GHR: variants seen among roughly 807,000 people sequenced by gnomAD.
GHR encodes GH receptor.
GHR carries 35 observed loss-of-function variants against 67.1 expected under a neutral mutation model. The observed-to-expected ratio is 0.52, with a 90% CI of 0.40 to 0.69. The LOEUF is 0.69. GHR is among the 30% of genes least tolerant of loss of function. The pLI, the probability that GHR is intolerant of heterozygous loss-of-function variation, is 0.00. For missense variants in GHR, 792 were observed against 764.6 expected, an observed-to-expected ratio of 1.04 and a Z score of -0.42; for synonymous variants, 272 against 269.1, an observed-to-expected ratio of 1.01 and a Z score of -0.10.
At chr5:42,570,401 T>G (rs1554020754) in intron 2 of GHR, among the ~76,000 whole-genome samples, 1 of 152,350 alleles carries the variant, frequency 6.6e-6, no homozygotes, top group African/African-American at 2.4e-5. Context: ...GTTCAGCAGG[T>G]CACAGCAAGC....
intron 3 of GHR, among the ~76,000 whole-genome samples, chr5:42,668,873 T>A (rs1756130680): frequency 6.6e-6 from 1 of 152,188 alleles, no homozygotes; most frequent in South Asian, 2.1e-4. Flanking sequence ...AAAATGCATT[T>A]AATACCCTGA....
chr5:42,472,427 G>A (rs1440495054), intron 1 of GHR, among the ~76,000 whole-genome samples: 1 of 152,214 alleles, frequency 6.6e-6, no homozygotes, highest in Non-Finnish European at 1.5e-5. Context: ...CCACATCTCA[G>A]TTAATGGCTT....
intron 3 of GHR, among the ~76,000 whole-genome samples, chr5:42,640,719 G>A (rs1215708883): frequency 6.6e-6 from 1 of 151,938 alleles, no homozygotes; most frequent in Non-Finnish European, 1.5e-5. Context: ...TAAATATTCA[G>A]TGTTTCATAT....
chr5:42,715,933 T>C (rs1758698248), intron 8 of GHR, among the ~76,000 whole-genome samples: 1 of 152,206 alleles, frequency 6.6e-6, no homozygotes, highest in South Asian at 2.1e-4. Flanking sequence ...TTTATTCCTC[T>C]GCATGACCTG....
chr5:42,622,424 C>G (rs1255169489), intron 2 of GHR, among the ~76,000 whole-genome samples: 1 of 152,122 alleles, frequency 6.6e-6, no homozygotes, highest in Non-Finnish European at 1.5e-5. Context: ...TGAAAAGTTT[C>G]CTAAATATAT....
intron 6 of GHR, among the ~76,000 whole-genome samples, chr5:42,706,597 C>T (rs546800325): frequency 8.5e-5 from 13 of 152,172 alleles, no homozygotes; most frequent in African/African-American, 3.1e-4. Flanking sequence ...CAGTTTCAAT[C>T]TTCTGCATAT....
At position 42,434,476 on chromosome 5, in the gene GHR, A is replaced by G. The variant is rs913142351; in HGVS notation, c.-12+10521A>G. The stretch of plus-strand genomic sequence containing the variant: ...ATCCCTATTGAAATACTTGAGTCTC[A>G]TATCCTCACTTTATTTATAGGTGAG... On this transcript the variant is annotated intron_variant, in intron 1 of 9. Coordinates refer to ENST00000230882, the MANE Select transcript of GHR (RefSeq NM_000163.5). Among the ~76,000 whole-genome samples the G allele has an allele frequency of 2.7e-5, 4 of 146,506 alleles. No individual in the cohort carries two copies. In the East Asian group the frequency reaches 5.8e-4, roughly 21 times the overall value.
chr5:42,653,438 G>A (rs1010900072), intron 3 of GHR, among the ~76,000 whole-genome samples: 5 of 151,906 alleles, frequency 3.3e-5, no homozygotes, highest in African/African-American at 9.7e-5. Flanking sequence ...TTGCTCATCC[G>A]GGCCCTAGTC....
At chr5:42,669,652 G>A (rs1398046632) in intron 3 of GHR, among the ~76,000 whole-genome samples, 1 of 152,164 alleles carries the variant, frequency 6.6e-6, no homozygotes, top group East Asian at 1.9e-4. Context: ...AATGATATAA[G>A]TCAGTGGTTC....
chr5:42,424,952 C>T lies in GHR; in HGVS notation c.-12+997C>T. 1 of 976,008 alleles carries T rather than the reference C, an allele frequency of 1.0e-6. No individual in the cohort carries two copies. Among genetic ancestry groups the T allele is most frequent in the Non-Finnish European group, 1.2e-6 (1 of 821,384 alleles). 60.5% of individuals were successfully genotyped at this position (976,008 alleles called of 1,614,324 possible). ...CTGGGGAGGCGTGTCGGCGCCTGAGCCAGTAGGGTGTGCAGGGTGGAAGAG... is the reference window on the plus strand; with the variant it reads ...CTGGGGAGGCGTGTCGGCGCCTGAGTCAGTAGGGTGTGCAGGGTGGAAGAG... On this transcript the variant is annotated intron_variant, in intron 1 of 9. Coordinates refer to ENST00000230882, the MANE Select transcript of GHR (RefSeq NM_000163.5). The surrounding 1 kb of genome is among the most constrained non-coding windows in gnomAD (Gnocchi z 4.1).
At chr5:42,525,157 T>C (rs1247570919) in intron 1 of GHR, among the ~76,000 whole-genome samples, 2 of 152,144 alleles carry the variant, frequency 1.3e-5, no homozygotes, top group Non-Finnish European at 2.9e-5. Context: ...CAGCTTGCAC[T>C]GTGCTGCTGG....
intron 2 of GHR, among the ~76,000 whole-genome samples, chr5:42,584,855 G>A (rs1248359201): frequency 6.6e-6 from 1 of 151,894 alleles, no homozygotes; most frequent in African/African-American, 2.4e-5. Context: ...TTTGATGGTA[G>A]AAAATACAGC....
chr5:42,562,644 CTTTTTTT>C (rs1212633265), intron 1 of GHR, among the ~76,000 whole-genome samples: 15,352 of 78,792 alleles, frequency 0.19, 1,099 homozygotes, highest in Middle Eastern at 0.35. Context: ...GTTATAGTTC[CTTTTTTT>C]TTTTTTTTTT....
chr5:42,586,679 G>A lies in GHR; in HGVS notation c.70+20735G>A, dbSNP rs10064713. Among the ~76,000 whole-genome samples, 796 of 152,258 alleles carry A rather than the reference G, an allele frequency of 5.2e-3. 5 individuals are homozygous for A. The highest frequency in any genetic ancestry group is 0.018 in the African/African-American group (746 of 41,558). ...AAATCCAAAAGCAGAGTGAAGCCTC[G>A]GGACTTCAGTGCTTTTGGGTGTCTT... is the stretch of plus-strand genomic sequence containing the variant. On this transcript the variant is annotated intron_variant, in intron 2 of 9. Transcript: ENST00000230882.
chr5:42,646,377 T>A (rs1347730663), intron 3 of GHR: 1 of 454,398 alleles, frequency 2.2e-6, no homozygotes, highest in East Asian at 7.0e-5. Context: ...GGTTTCAGTC[T>A]GGCTCACTGG....
Position 42,713,473 on chromosome 5 carries a change from G to A in GHR, c.829G>A (p.Gly277Arg), listed in dbSNP as rs1330855001. The A allele has an allele frequency of 6.7e-7, 1 of 1,502,968 alleles. No homozygotes were observed. The highest frequency in any genetic ancestry group is 1.7e-5 in the Admixed American group (1 of 59,850). 93.1% of individuals were successfully genotyped at this position (1,502,968 alleles called of 1,614,324 possible). Residue 277 changes from glycine (G) to arginine (R), a missense_variant, in exon 8 of 10, where the codon GGG becomes AGG. Coordinates refer to ENST00000230882, the MANE Select transcript of GHR (RefSeq NM_000163.5). Reference protein sequence around the residue: ...WLLIIIFGIFGLTVMLFVFLF... With the variant: ...WLLIIIFGIFRLTVMLFVFLF... The stretch of plus-strand genomic sequence containing the variant: ...CTTAATTATTATCTTTGGAATATTT[G>A]GGCTAACAGTGATGCTATTTGTATT...
chr5:42,468,821 G>T (rs748400033), intron 1 of GHR: 32 of 1,019,900 alleles, frequency 3.1e-5, no homozygotes, highest in Middle Eastern at 2.7e-4. Context: ...TGGTCGAATC[G>T]GTTGGTGACC....
rs1158830359 is a variant in GHR at position 42,424,171 on chromosome 5, A to AGTGTGTGT, written c.-12+257_-12+264dup. On this transcript the variant is annotated intron_variant, in intron 1 of 9. Coordinates refer to ENST00000230882, the MANE Select transcript of GHR (RefSeq NM_000163.5). The surrounding 1 kb of genome is among the most constrained non-coding windows in gnomAD (Gnocchi z 4.1). Reference sequence around the variant, plus strand: ...CTGGTGGGTTGTTGTAACCCAATCTAGTGTGTGTGTGTGTGTGTGTGTGTG... The same window carrying AGTGTGTGT: ...CTGGTGGGTTGTTGTAACCCAATCTAGTGTGTGTGTGTGTGTGTGTGTGTGTGTGTGTG... Among the ~76,000 whole-genome samples the AGTGTGTGT allele has an allele frequency of 0.064, 6,438 of 100,494 alleles. 424 individuals carry two copies. The highest frequency in any genetic ancestry group is 0.08 in the Non-Finnish European group (4,020 of 50,350). 65.9% of individuals were successfully genotyped at this position (100,494 alleles called of 152,430 possible).
At chr5:42,640,922 T>C (rs116491233) in intron 3 of GHR, among the ~76,000 whole-genome samples, 3,201 of 152,194 alleles carry the variant, frequency 0.021, 122 homozygotes, top group African/African-American at 0.074. Context: ...ACTTTACAAC[T>C]GGAGCAGCAG....
Sources: allele counts gnomAD v4.1 joint callset (sites outside exome capture counted in the v4.1 genomes callset), GRCh38; gene constraint gnomAD v4.1.1; non-coding constraint Gnocchi (gnomAD v3.1); transcripts MANE v1.5; gene names NCBI Gene and HGNC (gene_info 2026-07-23, HGNC 2026-07-21).